CYTIP: variants seen among roughly 807,000 people sequenced by gnomAD.
The protein encoded by CYTIP is cytohesin 1 interacting protein, also known as cytohesin-interacting protein.
CYTIP carries 26 observed loss-of-function variants against 43.8 expected under a neutral mutation model. The observed-to-expected ratio is 0.59, with a 90% CI of 0.44 to 0.82. The LOEUF is 0.82. Among genes scored for constraint, CYTIP ranks in the 40% least tolerant of loss-of-function variants. The probability of loss-of-function intolerance (pLI) is 0.00; values close to 1 mark genes in which losing one functional copy is unlikely to be tolerated. For missense variants in CYTIP, 426 were observed against 443.1 expected (o/e 0.96, Z 0.35); for synonymous variants, 162 against 162.9 (o/e 0.99, Z 0.04).
rs1159630607 is a variant in CYTIP at position 157,443,835 on chromosome 2, T to C, written c.174+12A>G. The C allele has an allele frequency of 1.9e-6, 3 of 1,613,628 alleles. No homozygotes were observed. The highest frequency in any genetic ancestry group is 3.3e-5 in the Admixed American group (2 of 59,978). On this transcript the variant is annotated intron_variant, in intron 1 of 7. Transcript: ENST00000264192. ...TGTGAACACTCTAAAGGGTACAAAA[T>C]AGCAATCATACCTGCTTTCGTCCCC...
intron 1 of CYTIP, chr2:157,439,287 C>G (rs1380249): frequency 0.051 from 7,825 of 152,534 alleles, 297 homozygotes; most frequent in Admixed American, 0.11. Flanking sequence ...GTCAAATTCT[C>G]TGACACGTGC....
At chr2:157,423,585 AAT>A (rs1685557246) in intron 6 of CYTIP, among the ~76,000 whole-genome samples, 1 of 151,970 alleles carries the variant, frequency 6.6e-6, no homozygotes, top group Non-Finnish European at 1.5e-5. Context: ...GTATTATTAA[AAT>A]TCTGCCAGAA....
At chr2:157,418,916 A>G (rs1047834383) in intron 6 of CYTIP, among the ~76,000 whole-genome samples, 1 of 152,238 alleles carries the variant, frequency 6.6e-6, no homozygotes, top group African/African-American at 2.4e-5. Context: ...GCAAGGATTT[A>G]TACTCTAGGA....
intron 6 of CYTIP, among the ~76,000 whole-genome samples, chr2:157,426,055 A>G (rs1464545704): frequency 6.6e-6 from 1 of 152,054 alleles, no homozygotes; most frequent in Non-Finnish European, 1.5e-5. Flanking sequence ...ATTAGAATAA[A>G]GGGAGTTCAA....
chr2:157,433,605 A>AG (rs1046673179), intron 3 of CYTIP, among the ~76,000 whole-genome samples: 16 of 152,212 alleles, frequency 1.1e-4, no homozygotes, highest in African/African-American at 3.6e-4. Flanking sequence ...GAAAAAAAAA[A>AG]CAGAAATGCT....
intron 1 of CYTIP, 37 bp from the exon 2 acceptor site, chr2:157,434,784 C>A (rs1448531471): frequency 1.3e-6 from 2 of 1,492,474 alleles, no homozygotes; most frequent in Non-Finnish European, 1.9e-6. Context: ...ATCCCAGGGT[C>A]TTCAAGATAC....
At chr2:157,434,133 A>G (rs1280360531) in intron 3 of CYTIP, 1 of 561,094 alleles carries the variant, frequency 1.8e-6, no homozygotes, top group Non-Finnish European at 3.1e-6. Context: ...GGAAGACTGA[A>G]GCAACTAAGC....
intron 6 of CYTIP, among the ~76,000 whole-genome samples, chr2:157,423,180 C>T (rs149194213): frequency 2.3e-4 from 35 of 151,504 alleles, no homozygotes; most frequent in African/African-American, 6.5e-4. Context: ...GTAGTAAAAC[C>T]GTAGATCAAT....
chr2:157,430,810 A>G (rs1434384695), intron 4 of CYTIP, 50 bp downstream of exon 4: 2 of 1,537,130 alleles, frequency 1.3e-6, no homozygotes, highest in Admixed American at 3.8e-5. Flanking sequence ...AAAACATTTT[A>G]TTTTCTTTCC....
intron 3 of CYTIP, 100 bp from the exon 4 acceptor site, chr2:157,431,062 G>A (rs1685708005): frequency 1.0e-6 from 1 of 956,044 alleles, no homozygotes; most frequent in Non-Finnish European, 1.5e-6. Flanking sequence ...AGTATAATAG[G>A]TAAGTTCAAA....
intron 6 of CYTIP, among the ~76,000 whole-genome samples, chr2:157,420,549 G>C (rs752422328): frequency 6.7e-6 from 1 of 149,582 alleles, no homozygotes; most frequent in Non-Finnish European, 1.5e-5. Context: ...TAAAAAAGAG[G>C]CTGATGTAGA....
intron 6 of CYTIP, among the ~76,000 whole-genome samples, chr2:157,423,619 C>T (rs1433486639): frequency 6.6e-6 from 1 of 151,448 alleles, no homozygotes; most frequent in Non-Finnish European, 1.5e-5. Context: ...GAAAACAGTC[C>T]CCAGGTCATG....
At position 157,418,435 on chromosome 2, in the gene CYTIP, T is replaced by C. The variant is rs1685471706; in HGVS notation, c.613+88A>G. 8 of 1,343,812 alleles carry C rather than the reference T, an allele frequency of 6.0e-6. No individual in the cohort carries two copies. In the South Asian group the frequency reaches 6.6e-5, roughly 11 times the overall value. 83.2% of individuals were successfully genotyped at this position (1,343,812 alleles called of 1,614,324 possible). A position where few individuals can be genotyped will look rare whatever the true frequency, so the allele number is the denominator to read the frequency against. On this transcript the variant is annotated intron_variant, in intron 7 of 7. Transcript: ENST00000264192. ...ACCAGCACTAGACAAATTTTTCTTATAATGATGATAATCTTAAACCAACTT... is the reference window on the plus strand; with the variant it reads ...ACCAGCACTAGACAAATTTTTCTTACAATGATGATAATCTTAAACCAACTT...
chr2:157,425,979 A>T (rs1195258500), intron 6 of CYTIP, among the ~76,000 whole-genome samples: 1 of 152,014 alleles, frequency 6.6e-6, no homozygotes, highest in Non-Finnish European at 1.5e-5. Flanking sequence ...AGGGGCAAAA[A>T]ATTTTATTAT....
intron 6 of CYTIP, among the ~76,000 whole-genome samples, chr2:157,418,916 A>C (rs1047834383): frequency 6.6e-6 from 1 of 152,238 alleles, no homozygotes; most frequent in Non-Finnish European, 1.5e-5. Context: ...GCAAGGATTT[A>C]TACTCTAGGA....
intron 1 of CYTIP, among the ~76,000 whole-genome samples, chr2:157,435,171 G>T (rs1196826895): frequency 6.6e-6 from 1 of 152,090 alleles, no homozygotes; most frequent in Non-Finnish European, 1.5e-5. Context: ...ATAGCAATTT[G>T]TAATCACACT....
intron 6 of CYTIP, among the ~76,000 whole-genome samples, chr2:157,424,512 A>G (rs1470308485): frequency 6.6e-6 from 1 of 151,722 alleles, no homozygotes; most frequent in Non-Finnish European, 1.5e-5. Context: ...TGTTTCCTCA[A>G]ATTGATATAT....
chr2:157,437,557 A>G (rs1201725111), intron 1 of CYTIP, among the ~76,000 whole-genome samples: 1 of 151,908 alleles, frequency 6.6e-6, no homozygotes, highest in Non-Finnish European at 1.5e-5. Flanking sequence ...AAAATTAGCC[A>G]GGCATGATGG....
rs1300830771 is a variant in CYTIP, at chr2:157,424,177, C to A, written c.546+3174G>T. ...CATTCATAACAGATAGTTATTATCT[C>A]TACAGTAAATCCAAAATAATCTACA... is the stretch of plus-strand genomic sequence containing the variant. On this transcript the variant is annotated intron_variant, in intron 6 of 7. Transcript: ENST00000264192. 2.0e-5 allele frequency among the ~76,000 whole-genome samples: 3 copies of A among 152,138 alleles called. No individual in the cohort carries two copies. The East Asian group carries it at 5.8e-4, about 29-fold the overall frequency.
Sources: gnomAD v4.1 joint callset for allele counts (sites outside exome capture counted in the v4.1 genomes callset) on GRCh38, gnomAD v4.1.1 for gene constraint, MANE v1.5 for transcripts, NCBI Gene and HGNC (gene_info 2026-07-23, HGNC 2026-07-21) for gene names.